The following BEGAIN variants were observed in gnomAD, a reference collection of about 807,000 sequenced individuals.
The protein encoded by BEGAIN is brain enriched guanylate kinase associated.
A neutral mutation model predicts 35.8 loss-of-function variants in BEGAIN; 19 were observed. The ratio of observed to expected loss-of-function variants is 0.53; its 90% CI spans 0.37 to 0.78. BEGAIN has a LOEUF of 0.78. BEGAIN is among the 30% of genes least tolerant of loss of function. The pLI is 0.00. For missense variants in BEGAIN, 795 were observed against 853.6 expected, an observed-to-expected ratio of 0.93 and a Z score of 0.85; for synonymous variants, 462 against 388.6, an observed-to-expected ratio of 1.19 and a Z score of -2.22.
In BEGAIN at chr14:100,538,285, T is replaced by C. The variant is rs1327700510; in HGVS notation, c.1523A>G (p.Glu508Gly). 6.4e-7 allele frequency: 1 copy of C among 1,555,336 alleles called. No homozygotes were observed. Among genetic ancestry groups the C allele is most frequent in the Non-Finnish European group, 8.6e-7 (1 of 1,159,456 alleles). ...GCCGCCCGCCCGCAGGAAGCAGGGC[T>C]CTGCCAGGTGGCCCTGGGAGAGGTC... ...GDDLSQGHLAEPCFLRAGGDL... is the reference protein window; with the variant it reads ...GDDLSQGHLAGPCFLRAGGDL... The change falls in exon 7 of 7, where the codon GAG (glutamate) becomes GGG (glycine). Residue 508 changes from glutamate to glycine, a missense_variant. This residue lies in a region of BEGAIN where 664 missense variants were observed against 647.7 expected (regional missense o/e 1.03). Transcript: ENST00000554140.
At chr14:100,582,965 G>A (rs537437531) in intron 1 of BEGAIN, among the ~76,000 whole-genome samples, 42 of 151,326 alleles carry the variant, frequency 2.8e-4, no homozygotes, top group African/African-American at 1.0e-3. Flanking sequence ...GGAAATCAAG[G>A]CATGAGTGAC....
rs1287295529 is a variant in BEGAIN at position 100,540,581 on chromosome 14, T to C, written c.409-2A>G. The C allele has an allele frequency of 6.3e-7, 1 of 1,599,050 alleles. No homozygotes were observed. The highest frequency in any genetic ancestry group is 8.5e-7 in the Non-Finnish European group (1 of 1,172,336). ...ATTGCAGTCCTTCCTATAGAGCTCC[T>C]AAAAGACAAGAGAAGGCGTTTGGCG... On this transcript the variant is annotated splice_acceptor_variant, in intron 5 of 6. Transcript: ENST00000554140. LOFTEE classifies it high-confidence loss of function.
At chr14:100,580,034 G>A (rs920565541) in intron 1 of BEGAIN, among the ~76,000 whole-genome samples, 17 of 151,404 alleles carry the variant, frequency 1.1e-4, no homozygotes, top group African/African-American at 3.9e-4. Flanking sequence ...GCCGGGTGCG[G>A]TGGCTCACGC....
intron 1 of BEGAIN, among the ~76,000 whole-genome samples, chr14:100,580,727 C>A (rs914978029): frequency 7.2e-5 from 11 of 152,254 alleles, no homozygotes; most frequent in African/African-American, 2.4e-4. Flanking sequence ...TGTGTCCCCC[C>A]GTAGAATGTA....
chr14:100,585,607 A>G (rs1381312296), intron 1 of BEGAIN, among the ~76,000 whole-genome samples: 1 of 151,760 alleles, frequency 6.6e-6, no homozygotes, highest in African/African-American at 2.4e-5. Context: ...TATGTGGGCC[A>G]GACCCTGCGC....
chr14:100,565,697 G>A (rs1300577671), intron 2 of BEGAIN, among the ~76,000 whole-genome samples: 1 of 152,162 alleles, frequency 6.6e-6, no homozygotes, highest in Admixed American at 6.5e-5. Flanking sequence ...TGTGACCACC[G>A]TGTGGTCTGA....
intron 1 of BEGAIN, among the ~76,000 whole-genome samples, chr14:100,574,148 G>A (rs1341264269): frequency 2.0e-5 from 3 of 152,222 alleles, no homozygotes; most frequent in African/African-American, 4.8e-5. Context: ...CAGAGCCTCC[G>A]CTGCAGTCCC....
At chr14:100,578,921 G>A (rs1387843740) in intron 1 of BEGAIN, among the ~76,000 whole-genome samples, 1 of 147,940 alleles carries the variant, frequency 6.8e-6, no homozygotes, top group Non-Finnish European at 1.5e-5. Flanking sequence ...GATTACAATG[G>A]CATGATCTCG....
intron 2 of BEGAIN, chr14:100,547,592 T>G (rs976040644): frequency 1.3e-5 from 2 of 152,408 alleles, no homozygotes; most frequent in Non-Finnish European, 2.9e-5. Context: ...CTTCCGGTTG[T>G]CTGGGTCAGA....
In BEGAIN at chr14:100,558,496, C is replaced by T. The variant is rs926070958; in HGVS notation, c.71+9415G>A. On this transcript the variant is annotated intron_variant, in intron 2 of 6. Coordinates refer to ENST00000554140, the MANE Select transcript of BEGAIN (RefSeq NM_001385089.1). This position sits in a 1 kb window ranked among gnomAD's most constrained non-coding sequence, Gnocchi z 4.6. ...CATCTCCTTCCCTGGGTGCACTCACCAGTGGCAACCCTAGCCAGCAAATAC... is the reference window on the plus strand; with the variant it reads ...CATCTCCTTCCCTGGGTGCACTCACTAGTGGCAACCCTAGCCAGCAAATAC... 2.6e-4 allele frequency among the ~76,000 whole-genome samples: 39 copies of T among 152,186 alleles called. No homozygotes were observed. The highest frequency in any genetic ancestry group is 9.4e-4 in the African/African-American group (39 of 41,440).
chr14:100,552,819 C>T (rs2033334588), intron 2 of BEGAIN, among the ~76,000 whole-genome samples: 1 of 152,212 alleles, frequency 6.6e-6, no homozygotes, highest in African/African-American at 2.4e-5. Flanking sequence ...CGTTCCTGCT[C>T]CTACCAGCAG....
rs905840500 is a variant in BEGAIN at position 100,569,899 on chromosome 14, C to T, written c.43-1960G>A. On this transcript the variant is annotated intron_variant, in intron 1 of 6. Transcript: ENST00000554140. Reference sequence around the variant, plus strand: ...GAGGCCACCCTCAGCAGAATGGCCACGGTAGTCATAACAATAACGTCCACC... The same window carrying T: ...GAGGCCACCCTCAGCAGAATGGCCATGGTAGTCATAACAATAACGTCCACC... 4.5e-5 allele frequency: 7 copies of T among 154,112 alleles called. 1 individual carries two copies. Among genetic ancestry groups the T allele is most frequent in the East Asian group, 3.9e-4 (2 of 5,180 alleles). 9.5% of individuals were successfully genotyped at this position (154,112 alleles called of 1,614,324 possible).
intron 1 of BEGAIN, among the ~76,000 whole-genome samples, chr14:100,579,991 C>T (rs978780850): frequency 2.0e-5 from 3 of 151,954 alleles, no homozygotes; most frequent in East Asian, 1.9e-4. Context: ...CCCACAAACA[C>T]GGCGAGTGTG....
rs562856313 is a variant in BEGAIN at position 100,579,680 on chromosome 14, C to T, written c.42+7569G>A. Reference sequence around the variant, plus strand: ...GGACCCCTGCTTTTCTGAGCTCTGCCGGACACCTCTCTGAATGCCCAAAGC... The same window carrying T: ...GGACCCCTGCTTTTCTGAGCTCTGCTGGACACCTCTCTGAATGCCCAAAGC... On this transcript the variant is annotated intron_variant, in intron 1 of 6. Coordinates refer to ENST00000554140, the MANE Select transcript of BEGAIN (RefSeq NM_001385089.1). Among the ~76,000 whole-genome samples, 7 of 152,290 alleles carry T rather than the reference C, an allele frequency of 4.6e-5. No individual in the cohort carries two copies. In the South Asian group the frequency reaches 1.2e-3, roughly 27 times the overall value.
intron 3 of BEGAIN, 90 bp downstream of exon 3, chr14:100,546,407 GCCCC>G (rs1368462907): frequency 0.045 from 1,419 of 31,402 alleles, 266 homozygotes; most frequent in African/African-American, 0.22. Flanking sequence ...CCCTCGCCCC[GCCCC>G]GGCCCTCGCC....
chr14:100,583,691 CCTT>C (rs1350713960), intron 1 of BEGAIN, among the ~76,000 whole-genome samples: 1 of 53,896 alleles, frequency 1.9e-5, no homozygotes, highest in East Asian at 3.1e-4. Context: ...CGTTTTTCTT[CCTT>C]TTTTTTTTTT....
intron 2 of BEGAIN, among the ~76,000 whole-genome samples, chr14:100,551,670 A>G (rs952978018): frequency 5.3e-5 from 8 of 152,250 alleles, no homozygotes; most frequent in Non-Finnish European, 1.2e-4. Context: ...ATGAAAAATC[A>G]GAGAAAAAAA....
chr14:100,582,304 C>T (rs1420897152), intron 1 of BEGAIN, among the ~76,000 whole-genome samples: 2 of 152,148 alleles, frequency 1.3e-5, no homozygotes, highest in East Asian at 3.8e-4. Context: ...ACCACCATGC[C>T]CAGCTAATTT....
intron 1 of BEGAIN, among the ~76,000 whole-genome samples, chr14:100,579,855 G>C (rs2035279743): frequency 6.6e-6 from 1 of 152,152 alleles, no homozygotes; most frequent in Non-Finnish European, 1.5e-5. Context: ...CCTTTCTCAG[G>C]CCTGGCCACC....
Sources: gnomAD v4.1 joint callset for allele counts (sites outside exome capture counted in the v4.1 genomes callset) on GRCh38, gnomAD v4.1.1 for gene constraint, gnomAD v4.1.1 regional missense constraint, Gnocchi (gnomAD v3.1) non-coding constraint, MANE v1.5 for transcripts, NCBI Gene and HGNC (gene_info 2026-07-23, HGNC 2026-07-21) for gene names.